The following LRRC37A2 variants were observed in gnomAD, a reference collection of about 807,000 sequenced individuals.
LRRC37A2 encodes leucine rich repeat containing 37 member A2.
In LRRC37A2, 9 loss-of-function variants were observed where a neutral mutation model predicts 68.8. That is an observed-to-expected ratio of 0.13 (90% confidence interval 0.08 to 0.23). The LOEUF (loss-of-function observed/expected upper bound fraction) is 0.23. Ranked by LOEUF, LRRC37A2 falls within the 10% of genes least tolerant of loss-of-function variation. LRRC37A2 has a pLI of 1.00. For synonymous variants in LRRC37A2, 63 were observed against 367.6 expected (o/e 0.17, Z 9.48); for missense variants, 168 against 950.4 (o/e 0.18, Z 10.82).
At chr17:47,013,816 A>G in the LRRC37A2 span, among the ~76,000 whole-genome samples, 43 of 152,344 alleles carry the variant, frequency 2.8e-4, no homozygotes, top group Middle Eastern at 3.4e-3. Flanking sequence ...ACACAGTTTA[A>G]TTCAAGTATG....
the LRRC37A2 span, among the ~76,000 whole-genome samples, chr17:46,951,991 C>T: frequency 2.6e-5 from 4 of 152,142 alleles, no homozygotes; most frequent in Non-Finnish European, 4.4e-5. Flanking sequence ...CTCAGAGTGG[C>T]TATATTTGGT....
At chr17:46,884,897 T>G in the LRRC37A2 span, 1 of 330,508 alleles carries the variant, frequency 3.0e-6, no homozygotes, top group Non-Finnish European at 6.0e-6. Flanking sequence ...CTTCCTGACT[T>G]GGTTCAAATA....
At chr17:46,947,995 C>T in the LRRC37A2 span, among the ~76,000 whole-genome samples, 2 of 152,214 alleles carry the variant, frequency 1.3e-5, no homozygotes, top group Non-Finnish European at 1.5e-5. Flanking sequence ...GTCTCGATCT[C>T]CTGACCTCAG....
At chr17:46,901,169 TA>T in the LRRC37A2 span, among the ~76,000 whole-genome samples, 16 of 152,040 alleles carry the variant, frequency 1.1e-4, no homozygotes, top group Non-Finnish European at 2.9e-5. Context: ...ATTTTATTAT[TA>T]TTATTTTTTT....
the LRRC37A2 span, among the ~76,000 whole-genome samples, chr17:46,977,647 C>T: frequency 2.6e-5 from 4 of 152,230 alleles, no homozygotes; most frequent in Admixed American, 2.6e-4. Flanking sequence ...CATCCTGGGA[C>T]TTCCTCACCA....
intron 6 of LRRC37A2, among the ~76,000 whole-genome samples, chr17:46,534,248 G>A (rs1309741796): frequency 1.4e-5 from 2 of 145,666 alleles, no homozygotes; most frequent in Admixed American, 6.7e-5. Context: ...CTCGCAGAGG[G>A]GGATTTGGCA....
chr17:46,997,904 A>T, the LRRC37A2 span, among the ~76,000 whole-genome samples: 69 of 150,268 alleles, frequency 4.6e-4, no homozygotes, highest in Admixed American at 4.6e-3. Context: ...CAGGAGGCAG[A>T]GGTTGCAGTG....
At chr17:46,899,012 A>C in the LRRC37A2 span, among the ~76,000 whole-genome samples, 1 of 152,210 alleles carries the variant, frequency 6.6e-6, no homozygotes, top group Non-Finnish European at 1.5e-5. Context: ...GAAACAACCC[A>C]AATGTCCATC....
At chr17:47,009,089 C>T in the LRRC37A2 span, among the ~76,000 whole-genome samples, 1 of 151,338 alleles carries the variant, frequency 6.6e-6, no homozygotes, top group Non-Finnish European at 1.5e-5. Context: ...ACTGAGATCA[C>T]ATCACTGCAC....
chr17:46,472,908 C>T, the LRRC37A2 span, among the ~76,000 whole-genome samples: 1 of 61,244 alleles, frequency 1.6e-5, no homozygotes, highest in African/African-American at 5.5e-5. Flanking sequence ...GAGTGAGACT[C>T]CGTCTCAAAA....
At chr17:46,876,658 C>T in the LRRC37A2 span, 3 of 1,601,738 alleles carry the variant, frequency 1.9e-6, no homozygotes, top group Non-Finnish European at 2.6e-6. Flanking sequence ...TGCAGTGGTG[C>T]TGCTACGTGG....
At chr17:46,956,975 G>A in the LRRC37A2 span, among the ~76,000 whole-genome samples, 2 of 152,186 alleles carry the variant, frequency 1.3e-5, no homozygotes, top group Non-Finnish European at 2.9e-5. Flanking sequence ...TAAAGGTTGC[G>A]GGGGTGAGCT....
intron 8 of LRRC37A2, among the ~76,000 whole-genome samples, chr17:46,545,810 C>T (rs1485131427): frequency 1.5e-4 from 23 of 149,312 alleles, no homozygotes; most frequent in Non-Finnish European, 2.6e-4. Context: ...TATTTTTTAA[C>T]TCCGCAATCC....
chr17:46,926,466 T>C, the LRRC37A2 span, among the ~76,000 whole-genome samples: 7 of 152,206 alleles, frequency 4.6e-5, no homozygotes, highest in Non-Finnish European at 1.0e-4. Flanking sequence ...TAAAGACGGC[T>C]ACAATGACCC....
the LRRC37A2 span, among the ~76,000 whole-genome samples, chr17:47,004,924 A>T: frequency 1.3e-5 from 2 of 152,232 alleles, no homozygotes; most frequent in African/African-American, 4.8e-5. Context: ...CTACTGTGTT[A>T]TTACTGAAGG....
At chr17:46,991,672 C>T in the LRRC37A2 span, among the ~76,000 whole-genome samples, 1 of 152,100 alleles carries the variant, frequency 6.6e-6, no homozygotes, top group Admixed American at 6.6e-5. Context: ...ACCACTGTCA[C>T]AAGAAAATGA....
At chr17:46,710,903 T>C in the LRRC37A2 span, 1 of 1,459,170 alleles carries the variant, frequency 6.9e-7, no homozygotes, top group Non-Finnish European at 9.2e-7. Flanking sequence ...AACTCGTCTT[T>C]TATACTGTTA....
the LRRC37A2 span, among the ~76,000 whole-genome samples, chr17:46,740,761 A>AAG: frequency 2.0e-5 from 3 of 151,336 alleles, no homozygotes; most frequent in Middle Eastern, 3.4e-3. Flanking sequence ...TCCTGGGTTC[A>AAG]AGTGATTCTC....
chr17:46,939,386 T>C, the LRRC37A2 span: 1 of 998,322 alleles, frequency 1.0e-6, no homozygotes, highest in East Asian at 1.0e-4. Context: ...TTTTCCACAC[T>C]ACAGCTGGGT....
Sources: gnomAD v4.1 joint callset for allele counts (sites outside exome capture counted in the v4.1 genomes callset) on GRCh38, gnomAD v4.1.1 for gene constraint, MANE v1.5 for transcripts, NCBI Gene and HGNC (gene_info 2026-07-23, HGNC 2026-07-21) for gene names.